Variants in RAP1GAP2 observed in about 807,000 individuals in gnomAD.
RAP1GAP2 encodes rap1 GTPase-activating protein 2.
RAP1GAP2 carries 27 observed loss-of-function variants against 95.0 expected under a neutral mutation model. That is an observed-to-expected ratio of 0.28 (90% CI 0.21 to 0.39). The LOEUF (loss-of-function observed/expected upper bound fraction) is 0.39, where lower values mean the gene tolerates loss of function less well. Ranked by LOEUF, RAP1GAP2 falls within the 10% of genes least tolerant of loss-of-function variation. RAP1GAP2 has a pLI of 1.00. For synonymous variants in RAP1GAP2, 373 were observed against 380.9 expected (o/e 0.98, Z 0.24); for missense variants, 771 against 970.0 (o/e 0.79, Z 2.72).
Position 2,963,076 on chromosome 17 carries a change from G to C in RAP1GAP2, c.247-354G>C, listed in dbSNP as rs532535122. 7.6e-6 allele frequency: 4 copies of C among 522,942 alleles called. No individual in the cohort carries two copies. Among genetic ancestry groups the C allele is most frequent in the South Asian group, 7.2e-5 (3 of 41,468 alleles). 32.4% of individuals were successfully genotyped at this position (522,942 alleles called of 1,614,324 possible). ...CTCAGCTTCCCAACCCAGGGGTGCC[G>C]CTTATCACTTGGAGGTCAGTCCGCC... On this transcript the variant is annotated intron_variant, in intron 5 of 24. Transcript: ENST00000254695. This position sits in a 1 kb window ranked among gnomAD's most constrained non-coding sequence, Gnocchi z 4.8.
upstream of RAP1GAP2, among the ~76,000 whole-genome samples, chr17:2,793,153 A>ATT (rs200252910): frequency 2.1e-4 from 29 of 139,012 alleles, no homozygotes; most frequent in African/African-American, 6.8e-4. Context: ...TTGCAACAGG[A>ATT]TTTTTTTTTT....
chr17:2,964,206 G>C (rs1430687025), intron 7 of RAP1GAP2, 138 bp downstream of exon 7: 2 of 741,488 alleles, frequency 2.7e-6, no homozygotes, highest in African/African-American at 4.0e-5. Flanking sequence ...GCTGCCAGGG[G>C]TGGGGGTGAG....
At chr17:2,851,407 C>G (rs989217983) in intron 2 of RAP1GAP2, among the ~76,000 whole-genome samples, 2 of 152,070 alleles carry the variant, frequency 1.3e-5, no homozygotes, top group African/African-American at 4.8e-5. Flanking sequence ...GATGGGTTTT[C>G]TTGTGCTTTG....
At chr17:3,026,294 G>C (rs2047114074) in intron 20 of RAP1GAP2, 56 bp from the exon 21 acceptor site, 3 of 1,453,938 alleles carry the variant, frequency 2.1e-6, no homozygotes, top group Admixed American at 3.9e-5. Context: ...GAGGACCCTG[G>C]GGGTGGAGGG....
chr17:2,974,280 C>A (rs372427072), intron 8 of RAP1GAP2, among the ~76,000 whole-genome samples: 3 of 151,044 alleles, frequency 2.0e-5, no homozygotes, highest in African/African-American at 7.3e-5. Context: ...ACCCAGGAGG[C>A]GGAGCTTGTA....
chr17:2,896,426 G>A (rs1327371887), intron 2 of RAP1GAP2, among the ~76,000 whole-genome samples: 1 of 152,186 alleles, frequency 6.6e-6, no homozygotes, highest in Non-Finnish European at 1.5e-5. Context: ...AAGGAGCACC[G>A]GAATGGGAGT....
chr17:2,760,387 G>C (rs568471157), intron 1 of RAP1GAP2, among the ~76,000 whole-genome samples: 1 of 151,066 alleles, frequency 6.6e-6, no homozygotes, highest in Non-Finnish European at 1.5e-5. Flanking sequence ...GTCGCCCAGG[G>C]TGGAGTGTAG....
chr17:2,909,408 G>A (rs1044846571), intron 3 of RAP1GAP2, among the ~76,000 whole-genome samples: 2 of 152,182 alleles, frequency 1.3e-5, no homozygotes, highest in Admixed American at 6.5e-5. Flanking sequence ...TGAGGAATGG[G>A]TGGAGATGGT....
At chr17:2,961,771 C>T (rs1292179412) in intron 4 of RAP1GAP2, among the ~76,000 whole-genome samples, 1 of 152,184 alleles carries the variant, frequency 6.6e-6, no homozygotes, top group Non-Finnish European at 1.5e-5. Context: ...AGGGCCAGCA[C>T]CAGGCCTCCT....
At chr17:3,021,430 C>CTTTTT (rs57099220) in intron 19 of RAP1GAP2, among the ~76,000 whole-genome samples, 1 of 95,744 alleles carries the variant, frequency 1.0e-5, no homozygotes, top group Non-Finnish European at 2.0e-5. Context: ...CGATATTTGT[C>CTTTTT]TTTTTTTTTT....
chr17:2,929,785 A>G (rs2043083998), intron 3 of RAP1GAP2, among the ~76,000 whole-genome samples: 2 of 152,096 alleles, frequency 1.3e-5, no homozygotes, highest in South Asian at 4.1e-4. Context: ...GCCCTGATCC[A>G]GGCTGCCTGA....
rs1261726392 is a variant in RAP1GAP2, at chr17:2,801,091, G to A, written c.80+541G>A. ...TCTCAATCTCTTGACGTCATGGTCC[G>A]CCCACCTAGGCCTCCCAAAGTGCTG... On this transcript the variant is annotated intron_variant, in intron 2 of 24. Transcript: ENST00000254695. Among the ~76,000 whole-genome samples, 21 of 151,030 alleles carry A rather than the reference G, an allele frequency of 1.4e-4. 1 individual carries two copies. The highest frequency in any genetic ancestry group is 6.0e-4 in the East Asian group (3 of 5,036).
rs1327813848 is a variant in RAP1GAP2 at position 2,878,574 on chromosome 17, C to A, written c.81-26710C>A. ...TCCGATCATGGCTTAGGTGGTCTAACCAACACCCTTGATTTAGGGCAGGGG... is the reference window on the plus strand; with the variant it reads ...TCCGATCATGGCTTAGGTGGTCTAAACAACACCCTTGATTTAGGGCAGGGG... On this transcript the variant is annotated intron_variant, in intron 2 of 24. Coordinates refer to ENST00000254695, the MANE Select transcript of RAP1GAP2 (RefSeq NM_015085.5). 4.6e-5 allele frequency among the ~76,000 whole-genome samples: 7 copies of A among 152,304 alleles called. No individual in the cohort carries two copies. The East Asian group carries it at 1.4e-3, about 29-fold the overall frequency.
intron 8 of RAP1GAP2, among the ~76,000 whole-genome samples, chr17:2,969,470 T>C (rs1343058198): frequency 6.7e-6 from 1 of 148,496 alleles, no homozygotes; most frequent in Non-Finnish European, 1.5e-5. Flanking sequence ...AAATAAGATA[T>C]GTAAAGATGT....
chr17:2,994,485 C>A (rs953284517), intron 12 of RAP1GAP2, among the ~76,000 whole-genome samples: 2 of 152,176 alleles, frequency 1.3e-5, no homozygotes, highest in African/African-American at 4.8e-5. Flanking sequence ...CCTGGATACT[C>A]CCAAGCGGGA....
intron 1 of RAP1GAP2, among the ~76,000 whole-genome samples, chr17:2,768,634 G>C (rs921796514): frequency 6.7e-6 from 1 of 149,178 alleles, no homozygotes; most frequent in African/African-American, 2.5e-5. Flanking sequence ...AGAGGTTGCA[G>C]TGAGCTGAGA....
intron 16 of RAP1GAP2, among the ~76,000 whole-genome samples, chr17:3,007,019 T>G (rs970188095): frequency 6.6e-6 from 1 of 152,078 alleles, no homozygotes; most frequent in African/African-American, 2.4e-5. Flanking sequence ...AATCTTGATA[T>G]CAGATGAACC....
intron 10 of RAP1GAP2, among the ~76,000 whole-genome samples, chr17:2,984,753 C>G (rs569578208): frequency 2.0e-4 from 31 of 152,248 alleles, no homozygotes; most frequent in African/African-American, 7.5e-4. Context: ...ATGAGTGATA[C>G]AGAGGTTTGG....
intron 1 of RAP1GAP2, among the ~76,000 whole-genome samples, chr17:2,769,737 A>G (rs529576567): frequency 2.6e-5 from 4 of 152,178 alleles, no homozygotes; most frequent in Non-Finnish European, 5.9e-5. Context: ...TACTCCTTCC[A>G]AGTGACTTCT....
Sources: allele counts gnomAD v4.1 joint callset (sites outside exome capture counted in the v4.1 genomes callset), GRCh38; gene constraint gnomAD v4.1.1; non-coding constraint Gnocchi (gnomAD v3.1); transcripts MANE v1.5; gene names NCBI Gene and HGNC (gene_info 2026-07-23, HGNC 2026-07-21).